The following IRAK2 variants were observed in gnomAD, a reference collection of about 807,000 sequenced individuals.
IRAK2 encodes the protein interleukin 1 receptor associated kinase 2.
IRAK2 carries 57 observed loss-of-function variants against 72.0 expected under a neutral mutation model. The observed-to-expected ratio is 0.79, with a 90% CI of 0.64 to 0.99. The LOEUF is 0.99. IRAK2 is among the 50% of genes least tolerant of loss of function. IRAK2 has a pLI of 0.00. For synonymous variants in IRAK2, 293 were observed against 312.7 expected (o/e 0.94, Z 0.67); for missense variants, 790 against 794.4 (o/e 0.99, Z 0.07).
At chr3:10,209,740 G>A (rs2125154456) in intron 4 of IRAK2, 48 bp downstream of exon 4, 1 of 1,176,142 alleles carries the variant, frequency 8.5e-7, no homozygotes, top group Non-Finnish European at 1.2e-6. Flanking sequence ...CTCCCAGCGT[G>A]TAGTTCCCTC....
At chr3:10,173,578 T>C (rs1328099856) in intron 1 of IRAK2, among the ~76,000 whole-genome samples, 3 of 152,156 alleles carry the variant, frequency 2.0e-5, no homozygotes, top group Non-Finnish European at 2.9e-5. Context: ...TCCCAGCTCT[T>C]TGGGAGGCCA....
At chr3:10,182,526 C>T (rs928560868) in intron 2 of IRAK2, among the ~76,000 whole-genome samples, 27 of 152,122 alleles carry the variant, frequency 1.8e-4, no homozygotes, top group African/African-American at 5.1e-4. Flanking sequence ...CGTGATCCGC[C>T]CGCCTCGGCC....
intron 6 of IRAK2, among the ~76,000 whole-genome samples, 185 bp from the exon 7 acceptor site, chr3:10,216,749 T>C (rs1697610432): frequency 6.6e-6 from 1 of 152,096 alleles, no homozygotes; most frequent in Non-Finnish European, 1.5e-5. Flanking sequence ...ACCACCATAC[T>C]CGTTGAAGGC....
chr3:10,172,813 G>A (rs112652416), intron 1 of IRAK2, among the ~76,000 whole-genome samples: 24,033 of 144,916 alleles, frequency 0.17, 2,736 homozygotes, highest in African/African-American at 0.29. Flanking sequence ...ACTCCAGCCT[G>A]GGCAACAGAG....
At chr3:10,180,793 G>C (rs554590089) in intron 2 of IRAK2, among the ~76,000 whole-genome samples, 1 of 152,138 alleles carries the variant, frequency 6.6e-6, no homozygotes, top group Non-Finnish European at 1.5e-5. Context: ...TGGTGGACGT[G>C]CAGGTGGAGA....
intron 1 of IRAK2, among the ~76,000 whole-genome samples, chr3:10,175,815 G>A (rs777726222): frequency 9.3e-5 from 14 of 150,990 alleles, no homozygotes; most frequent in South Asian, 2.1e-4. Context: ...GCCTGAACCC[G>A]GGAGGCGGAG....
intron 2 of IRAK2, among the ~76,000 whole-genome samples, chr3:10,196,528 T>TAA (rs1697268439): frequency 6.6e-6 from 1 of 152,244 alleles, no homozygotes; most frequent in African/African-American, 2.4e-5. Flanking sequence ...AACTGGCTTC[T>TAA]AGACTCCGAG....
At position 10,203,559 on chromosome 3, in the gene IRAK2, C is replaced by T. The variant is rs573613738; in HGVS notation, c.424+3044C>T. ...AAGTATACTGAGCCCACATCTTGAT[C>T]CCTGTGATACCCTGGCTCCCCCTTG... On this transcript the variant is annotated intron_variant, in intron 3 of 12. Coordinates refer to ENST00000256458, the MANE Select transcript of IRAK2 (RefSeq NM_001570.4). 9.9e-5 allele frequency among the ~76,000 whole-genome samples: 15 copies of T among 152,214 alleles called. 1 individual carries two copies. The highest frequency in any genetic ancestry group is 2.0e-4 in the Admixed American group (3 of 15,280).
intron 2 of IRAK2, among the ~76,000 whole-genome samples, chr3:10,180,669 G>C (rs1004608084): frequency 9.2e-5 from 14 of 152,080 alleles, no homozygotes; most frequent in African/African-American, 3.1e-4. Context: ...CTATCCCTCA[G>C]GTCTTCTGGA....
At chr3:10,218,442 A>AC (rs1559450038) in intron 7 of IRAK2, among the ~76,000 whole-genome samples, 2 of 134,686 alleles carry the variant, frequency 1.5e-5, no homozygotes. Context: ...AAAAAAAAAA[A>AC]AAACCAAAAC....
chr3:10,173,546 G>A (rs890519481), intron 1 of IRAK2, among the ~76,000 whole-genome samples: 10 of 152,212 alleles, frequency 6.6e-5, no homozygotes, highest in Admixed American at 6.5e-4. Context: ...TTGAGACTGG[G>A]TACGGTGGCT....
At chr3:10,191,167 T>C (rs1442895844) in intron 2 of IRAK2, among the ~76,000 whole-genome samples, 3 of 151,700 alleles carry the variant, frequency 2.0e-5, no homozygotes, top group Admixed American at 1.3e-4. Context: ...TGGTGGCGGG[T>C]GCCTGTAGTC....
chr3:10,215,387 C>G (rs1270306644), intron 6 of IRAK2, among the ~76,000 whole-genome samples: 1 of 96,756 alleles, frequency 1.0e-5, no homozygotes, highest in African/African-American at 4.3e-5. Context: ...GAGTGAGACT[C>G]TGTCTCAAAA....
chr3:10,180,327 C>T (rs947710427), intron 2 of IRAK2, among the ~76,000 whole-genome samples: 7 of 152,152 alleles, frequency 4.6e-5, no homozygotes, highest in South Asian at 2.1e-4. Context: ...ACAGGTCCTC[C>T]GCCCTCATGA....
intron 2 of IRAK2, among the ~76,000 whole-genome samples, chr3:10,183,720 A>AAAATAAATAAATAAATAAAT (rs71055805): frequency 2.7e-3 from 404 of 151,096 alleles, no homozygotes; most frequent in African/African-American, 9.5e-3. Flanking sequence ...ACTCCGTCTC[A>AAAATAAATAAATAAATAAAT]AAATAAATAA....
At chr3:10,171,501 G>A (rs1696793715) in intron 1 of IRAK2, among the ~76,000 whole-genome samples, 1 of 152,116 alleles carries the variant, frequency 6.6e-6, no homozygotes, top group Non-Finnish European at 1.5e-5. Context: ...TGCTGTGGAG[G>A]ACTTTGAAGA....
intron 10 of IRAK2, among the ~76,000 whole-genome samples, chr3:10,227,011 C>T (rs1485526495): frequency 6.6e-6 from 1 of 150,970 alleles, no homozygotes; most frequent in Non-Finnish European, 1.5e-5. Flanking sequence ...AGAGAAAGCA[C>T]TTCTCTATAT....
At position 10,242,275 on chromosome 3, in the gene IRAK2, G is replaced by T; in HGVS notation, c.*47G>T. 1 of 1,133,942 alleles carries T rather than the reference G, an allele frequency of 8.8e-7. No homozygotes were observed. Among genetic ancestry groups the T allele is most frequent in the Non-Finnish European group, 1.3e-6 (1 of 770,690 alleles). 70.2% of individuals were successfully genotyped at this position (1,133,942 alleles called of 1,614,324 possible). Reference sequence around the variant, plus strand: ...CCCTTGTCCTCAGTTGGAAAGATGAGCATCAGATCAAGAAAAAGGTCTGAG... The same window carrying T: ...CCCTTGTCCTCAGTTGGAAAGATGATCATCAGATCAAGAAAAAGGTCTGAG... On this transcript the variant is annotated 3_prime_UTR_variant, in exon 13 of 13. Transcript: ENST00000256458.
At chr3:10,235,446 A>G (rs1305253525) in intron 11 of IRAK2, among the ~76,000 whole-genome samples, 1 of 152,026 alleles carries the variant, frequency 6.6e-6, no homozygotes. Context: ...TACAGGCATC[A>G]GCCGCTCTGT....
Sources: gnomAD v4.1 joint callset for allele counts (sites outside exome capture counted in the v4.1 genomes callset) on GRCh38, gnomAD v4.1.1 for gene constraint, MANE v1.5 for transcripts, NCBI Gene and HGNC (gene_info 2026-07-23, HGNC 2026-07-21) for gene names.